The following ITPR1 variants were observed in gnomAD, a reference collection of about 807,000 sequenced individuals.
ITPR1 encodes inositol 1,4,5-trisphosphate receptor type 1.
ITPR1 carries 96 observed loss-of-function variants against 318.4 expected under a neutral mutation model. That is an observed-to-expected ratio of 0.30 (90% confidence interval 0.26 to 0.36). ITPR1 has a LOEUF of 0.36. ITPR1 is among the 10% of genes least tolerant of loss of function. The pLI is 1.00. For synonymous variants in ITPR1, 1,312 were observed against 1,289.9 expected, an observed-to-expected ratio of 1.02 and a Z score of -0.37; for missense variants, 2,440 against 3,460.2, an observed-to-expected ratio of 0.71 and a Z score of 7.40.
chr3:4,837,042 T>C (rs2050974480), intron 61 of ITPR1, 107 bp downstream of exon 61: 1 of 1,050,174 alleles, frequency 9.5e-7, no homozygotes, highest in Non-Finnish European at 1.3e-6. Context: ...TTCATCTAGA[T>C]GGAAAAGGGA....
chr3:4,587,260 C>G (rs1456888734), intron 4 of ITPR1, among the ~76,000 whole-genome samples: 3 of 149,296 alleles, frequency 2.0e-5, no homozygotes, highest in Non-Finnish European at 4.4e-5. Flanking sequence ...TGCTGGTTCA[C>G]ACTTCTCATG....
chr3:4,774,038 C>T (rs1252495152), intron 46 of ITPR1, among the ~76,000 whole-genome samples: 2 of 151,978 alleles, frequency 1.3e-5, no homozygotes, highest in African/African-American at 4.8e-5. Flanking sequence ...TATTTAGTTA[C>T]AAGAGTTGCC....
rs9834889 is a variant in ITPR1, at chr3:4,625,588, G to A, written c.164-2175G>A. Among the ~76,000 whole-genome samples, 480 of 152,148 alleles carry A rather than the reference G, an allele frequency of 3.2e-3. 3 individuals are homozygous for A. The highest frequency in any genetic ancestry group is 0.011 in the African/African-American group (461 of 41,514). ...TTTTATTTTTTTGAGACAGAGTCTGGCTCTGTCGCCCAGGCTGGAGTGCAG... is the reference window on the plus strand; with the variant it reads ...TTTTATTTTTTTGAGACAGAGTCTGACTCTGTCGCCCAGGCTGGAGTGCAG... On this transcript the variant is annotated intron_variant, in intron 4 of 61. Transcript: ENST00000649015.
chr3:4,800,642 T>C, intron 54 of ITPR1, 42 bp downstream of exon 54: 1 of 1,585,402 alleles, frequency 6.3e-7, no homozygotes. Context: ...TGTTTGCAGA[T>C]TAATAGGAAT....
intron 52 of ITPR1, among the ~76,000 whole-genome samples, chr3:4,793,162 A>G (rs1418000495): frequency 1.3e-5 from 2 of 152,250 alleles, no homozygotes; most frequent in East Asian, 3.8e-4. Context: ...ATTGAAAACA[A>G]CATTACAACT....
At chr3:4,664,373 A>C (rs1274587125) in intron 16 of ITPR1, among the ~76,000 whole-genome samples, 1 of 152,228 alleles carries the variant, frequency 6.6e-6, no homozygotes, top group Non-Finnish European at 1.5e-5. Flanking sequence ...CTGTAACCCA[A>C]CTGGAGATTA....
At chr3:4,720,055 G>A (rs2042041484) in intron 40 of ITPR1, among the ~76,000 whole-genome samples, 1 of 152,212 alleles carries the variant, frequency 6.6e-6, no homozygotes, top group Non-Finnish European at 1.5e-5. Context: ...CATCATCCCA[G>A]AAAGTTCCCT....
chr3:4,783,873 G>A lies in ITPR1; in HGVS notation c.6568G>A (p.Gly2190Arg), dbSNP rs1308461210. ...GCTGAAACCTGGTGGCCAAGTGGAC[G>A]GAGATGAAGCCCTGGAGTTTTATGC... ...SMLKPGGQVD[G>R]DEALEFYAKH... Residue 2190 changes from glycine to arginine, a missense_variant, in exon 51 of 62, where the codon GGA (glycine) becomes AGA (arginine). Physicochemically the swap from Gly to Arg is moderately radical, Grantham distance 125. Around this residue, in one of 23 missense-constraint regions of ITPR1, gnomAD observed 115 missense variants for 204.5 expected, o/e 0.56. Coordinates refer to ENST00000649015, the MANE Select transcript of ITPR1 (RefSeq NM_001378452.1). The A allele has an allele frequency of 6.8e-6, 11 of 1,610,422 alleles. No homozygotes were observed. Among genetic ancestry groups the A allele is most frequent in the African/African-American group, 5.3e-5 (4 of 74,872 alleles).
chr3:4,638,727 A>G (rs1313468026), intron 5 of ITPR1, among the ~76,000 whole-genome samples: 3 of 152,226 alleles, frequency 2.0e-5, no homozygotes, highest in Non-Finnish European at 4.4e-5. Context: ...AAATTTTTTA[A>G]TCACTTTGAG....
At chr3:4,626,725 G>T (rs1302299201) in intron 4 of ITPR1, among the ~76,000 whole-genome samples, 2 of 152,180 alleles carry the variant, frequency 1.3e-5, no homozygotes, top group East Asian at 3.8e-4. Flanking sequence ...CTAAATGCCA[G>T]TTTATATATT....
intron 42 of ITPR1, among the ~76,000 whole-genome samples, chr3:4,730,253 G>T (rs886150456): frequency 7.0e-6 from 1 of 142,134 alleles, no homozygotes; most frequent in African/African-American, 2.5e-5. Context: ...TTGCTCTCTG[G>T]TTTTTCTTCC....
At chr3:4,504,527 T>C (rs931311341) in intron 2 of ITPR1, among the ~76,000 whole-genome samples, 2 of 152,190 alleles carry the variant, frequency 1.3e-5, no homozygotes, top group African/African-American at 4.8e-5. Flanking sequence ...TATCTGATGA[T>C]GGGGACATGC....
chr3:4,619,911 A>G lies in ITPR1; in HGVS notation c.164-7852A>G, dbSNP rs1171891102. Among the ~76,000 whole-genome samples the G allele has an allele frequency of 4.3e-5, 6 of 139,054 alleles. No individual in the cohort carries two copies. In the East Asian group the frequency reaches 6.3e-4, roughly 14 times the overall value. The allele number at this position is 139,054 out of a possible 152,430, so 91.2% of individuals were successfully genotyped here. The stretch of plus-strand genomic sequence containing the variant: ...TTTGTTTTTTGTTTCTACTTTCTGT[A>G]GTACATTAAAACATTTTTTGTCATT... On this transcript the variant is annotated intron_variant, in intron 4 of 61. Transcript: ENST00000649015.
At chr3:4,841,373 G>T (rs2051330743) in intron 61 of ITPR1, among the ~76,000 whole-genome samples, 2 of 152,104 alleles carry the variant, frequency 1.3e-5, no homozygotes, top group Non-Finnish European at 2.9e-5. Context: ...TGCAGTAGGG[G>T]GCTTCCCAGG....
At chr3:4,697,406 C>T (rs1229313976) in intron 34 of ITPR1, 134 bp downstream of exon 34, 33 of 770,780 alleles carry the variant, frequency 4.3e-5, no homozygotes, top group East Asian at 1.8e-4. Flanking sequence ...TACTCTAATC[C>T]GTGGCATGAG....
chr3:4,709,865 A>T (rs2041223433), intron 37 of ITPR1, among the ~76,000 whole-genome samples: 1 of 152,266 alleles, frequency 6.6e-6, no homozygotes, highest in Non-Finnish European at 1.5e-5. Context: ...GAAGAAAATC[A>T]GAATCACCTG....
intron 39 of ITPR1, among the ~76,000 whole-genome samples, chr3:4,714,656 T>C (rs1559756154): frequency 1.3e-5 from 2 of 152,184 alleles, no homozygotes; most frequent in Non-Finnish European, 1.5e-5. Flanking sequence ...TGGGCTGGGT[T>C]TTCTTGCCTT....
intron 4 of ITPR1, among the ~76,000 whole-genome samples, chr3:4,623,427 A>G (rs1374528239): frequency 6.6e-6 from 1 of 152,206 alleles, no homozygotes; most frequent in African/African-American, 2.4e-5. Flanking sequence ...GGCCTAAAAT[A>G]ATACTTGTCA....
At chr3:4,574,227 GA>G (rs1197382566) in intron 4 of ITPR1, among the ~76,000 whole-genome samples, 1 of 143,762 alleles carries the variant, frequency 7.0e-6, no homozygotes, top group Non-Finnish European at 1.5e-5. Context: ...GCCTCTTATT[GA>G]AAAAAAAATT....
Sources: gnomAD v4.1 joint callset for allele counts (sites outside exome capture counted in the v4.1 genomes callset) on GRCh38, gnomAD v4.1.1 for gene constraint, gnomAD v4.1.1 regional missense constraint, MANE v1.5 for transcripts, NCBI Gene and HGNC (gene_info 2026-07-23, HGNC 2026-07-21) for gene names.